The following TTC21B variants were observed in gnomAD, a reference collection of about 807,000 sequenced individuals.
TTC21B encodes tetratricopeptide repeat protein 21B.
A neutral mutation model predicts 175.1 loss-of-function variants in TTC21B; 127 were observed. That is an observed-to-expected ratio of 0.73 (90% CI 0.63 to 0.84). TTC21B has a LOEUF of 0.84. Ranked by LOEUF, TTC21B falls within the 40% of genes least tolerant of loss-of-function variation. The pLI, the probability that TTC21B is intolerant of heterozygous loss-of-function variation, is 0.00. For missense variants in TTC21B, 1,561 were observed against 1,558.3 expected (o/e 1.00, Z -0.03); for synonymous variants, 524 against 524.5 (o/e 1.00, Z 0.01).
chr2:165,947,060 A>G (rs1161555687), intron 3 of TTC21B: 4 of 150,284 alleles, frequency 2.7e-5, no homozygotes, highest in Non-Finnish European at 4.4e-5. Context: ...GGGTCAGTAA[A>G]AAGATGGCAT....
At chr2:165,937,672 C>A (rs989489103) in intron 6 of TTC21B, among the ~76,000 whole-genome samples, 2 of 151,264 alleles carry the variant, frequency 1.3e-5, no homozygotes, top group Non-Finnish European at 3.0e-5. Context: ...TATGAAATAC[C>A]CTCTTAAAGA....
intron 27 of TTC21B, among the ~76,000 whole-genome samples, chr2:165,878,603 T>C (rs1574059099): frequency 6.6e-6 from 1 of 152,072 alleles, no homozygotes; most frequent in African/African-American, 2.4e-5. Flanking sequence ...AAGCAAATTA[T>C]CCATTCATCA....
chr2:165,945,491 ATGT>A (rs1559076194), intron 4 of TTC21B, 30 bp downstream of exon 4: 1 of 1,586,420 alleles, frequency 6.3e-7, no homozygotes, highest in Non-Finnish European at 8.6e-7. Context: ...GCATTTTTTA[ATGT>A]TATTATTTTA....
intron 6 of TTC21B, among the ~76,000 whole-genome samples, chr2:165,937,904 A>G (rs1343477688): frequency 6.6e-6 from 1 of 151,906 alleles, no homozygotes. Flanking sequence ...ATATCATTTC[A>G]CACTAAAAGA....
chr2:165,918,331 G>C (rs750663828), intron 13 of TTC21B, among the ~76,000 whole-genome samples: 1 of 152,118 alleles, frequency 6.6e-6, no homozygotes, highest in Non-Finnish European at 1.5e-5. Flanking sequence ...GTCTCGCTCT[G>C]TTGCCCAGGC....
intron 6 of TTC21B, among the ~76,000 whole-genome samples, chr2:165,935,463 C>T (rs1431554240): frequency 1.3e-5 from 2 of 152,050 alleles, no homozygotes; most frequent in Non-Finnish European, 2.9e-5. Flanking sequence ...AAATTATTTG[C>T]ATTTTCAATT....
At chr2:165,953,118 G>A (rs1270720587) in intron 1 of TTC21B, among the ~76,000 whole-genome samples, 6 of 152,144 alleles carry the variant, frequency 3.9e-5, no homozygotes, top group Admixed American at 1.3e-4. Context: ...CATCCGAAAA[G>A]TTATTTTATT....
chr2:165,941,263 A>G, intron 5 of TTC21B, 79 bp from the exon 6 acceptor site: 1 of 1,512,162 alleles, frequency 6.6e-7, no homozygotes, highest in South Asian at 1.1e-5. Flanking sequence ...CAGGCAGAGT[A>G]TGAGCGTTTA....
intron 3 of TTC21B, chr2:165,948,472 T>C (rs552105986): frequency 6.6e-6 from 1 of 152,368 alleles, no homozygotes; most frequent in Admixed American, 6.5e-5. Flanking sequence ...TGCATATGTA[T>C]GAAGGAGGTA....
At position 165,924,589 on chromosome 2, in the gene TTC21B, C is replaced by T. The variant is rs1463447976; in HGVS notation, c.1476G>A (p.Leu492=). 8 of 1,613,682 alleles carry T rather than the reference C, an allele frequency of 5.0e-6. No individual in the cohort carries two copies. The highest frequency in any genetic ancestry group is 6.8e-6 in the Non-Finnish European group (8 of 1,179,776). The stretch of plus-strand genomic sequence containing the variant: ...CTTTTGCTATTAGGAAGACTGTTTG[C>T]AGAAGACCTGGAACAGTTCTTACTA... The part of the protein sequence containing the change: ...ETVVRTVPGL[L]QTVFLIAKVK... Residue 492 remains leucine, a synonymous_variant, in exon 12 of 29, where the codon CTG becomes CTA. Transcript: ENST00000243344.
At chr2:165,941,509 AG>A (rs1214317482) in intron 5 of TTC21B, among the ~76,000 whole-genome samples, 3 of 90,786 alleles carry the variant, frequency 3.3e-5, no homozygotes, top group South Asian at 7.9e-4. Flanking sequence ...AAATGTTTCC[AG>A]GAAATTTTCA....
At chr2:165,952,954 T>C (rs1230829050) in intron 1 of TTC21B, among the ~76,000 whole-genome samples, 1 of 152,242 alleles carries the variant, frequency 6.6e-6, no homozygotes, top group Non-Finnish European at 1.5e-5. Flanking sequence ...AATTAGGGTT[T>C]TTCCCCAGCA....
intron 26 of TTC21B, 37 bp from the exon 27 acceptor site, chr2:165,880,836 G>T (rs771967055): frequency 1.2e-6 from 2 of 1,602,194 alleles, no homozygotes; most frequent in African/African-American, 2.7e-5. Context: ...GATTAAACTT[G>T]ATATCACTAA....
At chr2:165,897,403 G>C (rs920174971) in intron 22 of TTC21B, among the ~76,000 whole-genome samples, 1 of 152,124 alleles carries the variant, frequency 6.6e-6, no homozygotes, top group African/African-American at 2.4e-5. Context: ...TAGACTGGAG[G>C]TGATATATGA....
intron 27 of TTC21B, among the ~76,000 whole-genome samples, chr2:165,877,172 T>C (rs1375813135): frequency 6.6e-6 from 1 of 152,168 alleles, no homozygotes; most frequent in Non-Finnish European, 1.5e-5. Flanking sequence ...AAATAATGTG[T>C]AATAAAAAAT....
intron 6 of TTC21B, among the ~76,000 whole-genome samples, chr2:165,937,518 C>T (rs2390311): frequency 1.3e-5 from 2 of 151,972 alleles, no homozygotes; most frequent in African/African-American, 4.8e-5. Context: ...AATTAGGCAG[C>T]CTATCTATGT....
chr2:165,917,753 T>A (rs909932114), intron 13 of TTC21B, among the ~76,000 whole-genome samples: 8 of 152,240 alleles, frequency 5.3e-5, no homozygotes, highest in Admixed American at 5.2e-4. Context: ...ACAAGCTTTA[T>A]AAGGCTAGCA....
intron 19 of TTC21B, 27 bp from the exon 20 acceptor site, chr2:165,901,937 TAA>T (rs79777167): frequency 7.5e-4 from 953 of 1,272,944 alleles, no homozygotes; most frequent in Admixed American, 1.6e-3. Flanking sequence ...TAAAAGGGAA[TAA>T]AAAAAAAAAA....
intron 21 of TTC21B, among the ~76,000 whole-genome samples, chr2:165,899,187 AC>A (rs1685469626): frequency 6.6e-6 from 1 of 152,188 alleles, no homozygotes; most frequent in Admixed American, 6.5e-5. Flanking sequence ...AGCAAGACCT[AC>A]TGACATTTTT....
Sources: allele counts gnomAD v4.1 joint callset (sites outside exome capture counted in the v4.1 genomes callset), GRCh38; gene constraint gnomAD v4.1.1; transcripts MANE v1.5; gene names NCBI Gene and HGNC (gene_info 2026-07-23, HGNC 2026-07-21).